Variants in SLC2A13 observed in about 807,000 individuals in gnomAD.
The protein encoded by SLC2A13 is proton myo-inositol cotransporter.
Under a neutral mutation model 64.4 loss-of-function variants are expected in SLC2A13, and 32 were observed. That is an observed-to-expected ratio of 0.50 (90% CI 0.37 to 0.67). The LOEUF (loss-of-function observed/expected upper bound fraction) is 0.67. SLC2A13 is among the 30% of genes least tolerant of loss of function. The pLI is 0.00. For missense variants in SLC2A13, 743 were observed against 829.2 expected, an observed-to-expected ratio of 0.90 and a Z score of 1.28; for synonymous variants, 338 against 327.1, an observed-to-expected ratio of 1.03 and a Z score of -0.36.
intron 1 of SLC2A13, among the ~76,000 whole-genome samples, chr12:40,064,927 T>C (rs1226178307): frequency 2.0e-5 from 3 of 152,168 alleles, no homozygotes; most frequent in African/African-American, 7.2e-5. Context: ...AACTGAATAA[T>C]ACTGATTAAA....
At chr12:39,777,696 G>A (rs1447226914) in intron 7 of SLC2A13, among the ~76,000 whole-genome samples, 1 of 152,180 alleles carries the variant, frequency 6.6e-6, no homozygotes, top group African/African-American at 2.4e-5. Flanking sequence ...ACACACAGGT[G>A]GCTGGCCGTC....
intron 4 of SLC2A13, among the ~76,000 whole-genome samples, chr12:39,919,623 T>C (rs1945580043): frequency 6.6e-6 from 1 of 152,040 alleles, no homozygotes; most frequent in South Asian, 2.1e-4. Context: ...GTTAATATAA[T>C]GATGTTTTAG....
intron 3 of SLC2A13, among the ~76,000 whole-genome samples, chr12:39,955,593 T>G (rs1322933195): frequency 2.6e-5 from 4 of 152,110 alleles, no homozygotes; most frequent in Non-Finnish European, 5.9e-5. Flanking sequence ...TCAAAACATA[T>G]TCACATCCTA....
At chr12:39,963,457 C>A (rs1591955312) in intron 3 of SLC2A13, among the ~76,000 whole-genome samples, 1 of 152,130 alleles carries the variant, frequency 6.6e-6, no homozygotes, top group Non-Finnish European at 1.5e-5. Context: ...ATATTTAACA[C>A]TCCTACACAG....
intron 6 of SLC2A13, among the ~76,000 whole-genome samples, chr12:39,848,286 A>G (rs1441741957): frequency 6.6e-6 from 1 of 152,214 alleles, no homozygotes; most frequent in Non-Finnish European, 1.5e-5. Context: ...GCATCTGACA[A>G]AGGTCTAATA....
intron 7 of SLC2A13, among the ~76,000 whole-genome samples, chr12:39,781,987 G>C (rs969723501): frequency 1.3e-5 from 2 of 152,146 alleles, no homozygotes; most frequent in Non-Finnish European, 2.9e-5. Flanking sequence ...TGTGAATACA[G>C]GAACTGAAAA....
intron 1 of SLC2A13, among the ~76,000 whole-genome samples, chr12:40,051,131 G>A (rs1330191535): frequency 1.3e-5 from 2 of 152,102 alleles, no homozygotes; most frequent in Non-Finnish European, 2.9e-5. Flanking sequence ...ACTCACAAAA[G>A]CATACAATCA....
intron 3 of SLC2A13, among the ~76,000 whole-genome samples, chr12:39,967,927 T>C (rs926134924): frequency 6.6e-6 from 1 of 152,186 alleles, no homozygotes; most frequent in African/African-American, 2.4e-5. Context: ...AAGCATTGTA[T>C]TTTGACCTGA....
chr12:39,888,241 T>C (rs1042793808), intron 4 of SLC2A13, among the ~76,000 whole-genome samples: 2 of 152,188 alleles, frequency 1.3e-5, no homozygotes, highest in Non-Finnish European at 2.9e-5. Flanking sequence ...TTTATTTATT[T>C]TGAGAAGGAG....
At chr12:39,919,924 T>C (rs2136053748) in intron 4 of SLC2A13, among the ~76,000 whole-genome samples, 1 of 152,210 alleles carries the variant, frequency 6.6e-6, no homozygotes, top group South Asian at 2.1e-4. Flanking sequence ...AGTAAATTCT[T>C]AAATGATTTT....
At chr12:39,836,005 G>A (rs1019494090) in intron 6 of SLC2A13, among the ~76,000 whole-genome samples, 1 of 152,070 alleles carries the variant, frequency 6.6e-6, no homozygotes, top group Non-Finnish European at 1.5e-5. Flanking sequence ...TAGTAATTTT[G>A]ATAACTCACT....
intron 3 of SLC2A13, among the ~76,000 whole-genome samples, chr12:39,993,454 T>C (rs1168423785): frequency 6.6e-6 from 1 of 152,224 alleles, no homozygotes; most frequent in Admixed American, 6.5e-5. Context: ...CCTGATGGCT[T>C]TACTCCTGCA....
At chr12:40,031,025 A>G (rs1339774804) in intron 2 of SLC2A13, among the ~76,000 whole-genome samples, 1 of 152,208 alleles carries the variant, frequency 6.6e-6, no homozygotes, top group Admixed American at 6.5e-5. Context: ...TAAAAGTAAA[A>G]TGAGAAAGCT....
chr12:39,893,518 T>C (rs1351450766), intron 4 of SLC2A13, among the ~76,000 whole-genome samples: 2 of 152,210 alleles, frequency 1.3e-5, no homozygotes, highest in Non-Finnish European at 2.9e-5. Context: ...CAGGCTGGTC[T>C]CAAACTCCTG....
intron 4 of SLC2A13, among the ~76,000 whole-genome samples, chr12:39,926,518 G>C (rs961870200): frequency 1.3e-5 from 2 of 152,186 alleles, no homozygotes; most frequent in Non-Finnish European, 2.9e-5. Context: ...TTTAGTATGT[G>C]CTGTATCGCC....
At chr12:39,809,325 T>C (rs1214382217) in intron 7 of SLC2A13, among the ~76,000 whole-genome samples, 1 of 152,202 alleles carries the variant, frequency 6.6e-6, no homozygotes, top group Non-Finnish European at 1.5e-5. Flanking sequence ...TTATAGTAAG[T>C]CTTGAAATCA....
chr12:39,840,851 G>A (rs1003639758), intron 6 of SLC2A13, among the ~76,000 whole-genome samples: 1 of 152,094 alleles, frequency 6.6e-6, no homozygotes, highest in Non-Finnish European at 1.5e-5. Context: ...ATACATAAGT[G>A]CTCAATAAAT....
chr12:39,780,989 G>A (rs947166500), intron 7 of SLC2A13, among the ~76,000 whole-genome samples: 5 of 152,136 alleles, frequency 3.3e-5, no homozygotes, highest in African/African-American at 4.8e-5. Flanking sequence ...AGTCATTATC[G>A]TAAAACTATA....
rs558417703 is a variant in SLC2A13 at position 39,951,493 on chromosome 12, C to T, written c.926-128G>A. 19 of 606,892 alleles carry T rather than the reference C, an allele frequency of 3.1e-5. 1 individual carries two copies. The South Asian group carries it at 6.0e-4, about 19-fold the overall frequency. The allele number at this position is 606,892 out of a possible 1,614,324, so 37.6% of individuals were successfully genotyped here. On this transcript the variant is annotated intron_variant, in intron 3 of 9. Coordinates refer to ENST00000280871, the MANE Select transcript of SLC2A13 (RefSeq NM_052885.4). Reference sequence around the variant, plus strand: ...CATGACTGGGCATTTTAAATCAGAACAACTCTATTTTTACAGAAATCTGGG... The same window carrying T: ...CATGACTGGGCATTTTAAATCAGAATAACTCTATTTTTACAGAAATCTGGG...
Sources: allele counts gnomAD v4.1 joint callset (sites outside exome capture counted in the v4.1 genomes callset), GRCh38; gene constraint gnomAD v4.1.1; transcripts MANE v1.5; gene names NCBI Gene and HGNC (gene_info 2026-07-23, HGNC 2026-07-21).